The following TTC28 variants were observed in gnomAD, a reference collection of about 807,000 sequenced individuals.
TTC28 encodes the protein tetratricopeptide repeat protein 28.
TTC28 carries 61 observed loss-of-function variants against 198.0 expected under a neutral mutation model. The ratio of observed to expected loss-of-function variants is 0.31; its 90% confidence interval spans 0.25 to 0.38. TTC28 has a LOEUF of 0.38. TTC28 is among the 10% of genes least tolerant of loss of function. The pLI, the probability that TTC28 is intolerant of heterozygous loss-of-function variation, is 1.00. For synonymous variants in TTC28, 1,171 were observed against 1,297.8 expected (o/e 0.90, Z 2.10); for missense variants, 2,678 against 3,164.0 (o/e 0.85, Z 3.69).
chr22:28,258,561 A>G (rs1931111948), intron 5 of TTC28, among the ~76,000 whole-genome samples: 1 of 152,174 alleles, frequency 6.6e-6, no homozygotes, highest in Admixed American at 6.6e-5. Flanking sequence ...TAAGAAAGAC[A>G]TATGAATGTC....
intron 2 of TTC28, among the ~76,000 whole-genome samples, chr22:28,527,714 C>A: frequency 6.6e-6 from 1 of 152,198 alleles, no homozygotes; most frequent in East Asian, 1.9e-4. Flanking sequence ...CAGCTCACTG[C>A]AGCCTTGACC....
intron 6 of TTC28, among the ~76,000 whole-genome samples, chr22:28,115,351 C>A (rs550984347): frequency 1.2e-4 from 18 of 152,308 alleles, no homozygotes; most frequent in African/African-American, 4.3e-4. Flanking sequence ...TACCTTCTCC[C>A]TTCATCTGGA....
rs189055062 is a variant in TTC28, at chr22:28,080,044, T to A, written c.3932+14036A>T. 9.5e-3 allele frequency among the ~76,000 whole-genome samples: 1,449 copies of A among 152,312 alleles called. 26 individuals carry two copies. Among genetic ancestry groups the A allele is most frequent in the African/African-American group, 0.032 (1,349 of 41,566 alleles). On this transcript the variant is annotated intron_variant, in intron 12 of 22. Coordinates refer to ENST00000397906, the MANE Select transcript of TTC28 (RefSeq NM_001145418.2). ...ATGCCCAGCTGATTTTCTTCTTTTTTAAGGCTGAGTAATATTCCATTGTAT... is the reference window on the plus strand; with the variant it reads ...ATGCCCAGCTGATTTTCTTCTTTTTAAAGGCTGAGTAATATTCCATTGTAT...
chr22:28,234,532 C>A (rs1001515726), intron 5 of TTC28, among the ~76,000 whole-genome samples: 1 of 150,884 alleles, frequency 6.6e-6, no homozygotes, highest in Non-Finnish European at 1.5e-5. Flanking sequence ...ACCACCACAC[C>A]CAGCTAATTT....
intron 16 of TTC28, chr22:27,998,310 A>T: frequency 1.4e-6 from 1 of 690,672 alleles, no homozygotes; most frequent in South Asian, 2.0e-5. Context: ...TCACATTCAT[A>T]CACTCATGGC....
intron 5 of TTC28, among the ~76,000 whole-genome samples, chr22:28,262,957 G>A (rs891130503): frequency 6.6e-6 from 1 of 152,122 alleles, no homozygotes; most frequent in African/African-American, 2.4e-5. Context: ...AAACGGGTGA[G>A]AGGCATGGGT....
rs567287694 is a variant in TTC28 at position 28,540,091 on chromosome 22, C to A, written c.381+89461G>T. ...TCCGAGTAGCTGGGACTAAAGGCAC[C>A]CGCCACCACGCCCAGCTAATTTTTT... On this transcript the variant is annotated intron_variant, in intron 2 of 22. Transcript: ENST00000397906. Among the ~76,000 whole-genome samples the A allele has an allele frequency of 2.0e-5, 3 of 151,898 alleles. No individual in the cohort carries two copies. In the East Asian group the frequency reaches 5.8e-4, roughly 29 times the overall value.
chr22:28,581,683 A>G (rs1199487522), intron 2 of TTC28, among the ~76,000 whole-genome samples: 3 of 152,210 alleles, frequency 2.0e-5, no homozygotes, highest in African/African-American at 7.2e-5. Flanking sequence ...TGGGAGGCCA[A>G]GATGGGAAGA....
intron 7 of TTC28, 44 bp from the exon 8 acceptor site, chr22:28,105,846 G>C: frequency 6.7e-7 from 1 of 1,498,728 alleles, no homozygotes; most frequent in Non-Finnish European, 8.9e-7. Context: ...ATTTCATGCA[G>C]GTGCAGACAT....
At chr22:28,168,592 A>T (rs1194762714) in intron 5 of TTC28, among the ~76,000 whole-genome samples, 1 of 152,146 alleles carries the variant, frequency 6.6e-6, no homozygotes, top group Non-Finnish European at 1.5e-5. Flanking sequence ...TATTTAATAA[A>T]TGGTGCTGGG....
At chr22:28,018,499 G>A (rs536329849) in intron 13 of TTC28, among the ~76,000 whole-genome samples, 81 of 152,282 alleles carry the variant, frequency 5.3e-4, no homozygotes, top group Non-Finnish European at 6.3e-4. Flanking sequence ...GCCCAGCCCC[G>A]CAGCAGCAGC....
At chr22:28,669,775 C>T (rs2051849186) in intron 1 of TTC28, among the ~76,000 whole-genome samples, 1 of 152,062 alleles carries the variant, frequency 6.6e-6, no homozygotes, top group South Asian at 2.1e-4. Context: ...AAGATGTTTT[C>T]CACATACATG....
At chr22:28,605,206 G>T (rs1010529441) in intron 2 of TTC28, among the ~76,000 whole-genome samples, 1 of 152,156 alleles carries the variant, frequency 6.6e-6, no homozygotes, top group African/African-American at 2.4e-5. Flanking sequence ...TGGTTTCCAA[G>T]GAGATGCTAT....
rs746954211 is a variant in TTC28 at position 28,384,094 on chromosome 22, C to T, written c.382-77451G>A. The stretch of plus-strand genomic sequence containing the variant: ...CAATGGTCCCTCTGCCTAGATTACT[C>T]TTTCCCCAGAAGCCACATGGCTTTT... On this transcript the variant is annotated intron_variant, in intron 2 of 22. Transcript: ENST00000397906. 5.9e-5 allele frequency among the ~76,000 whole-genome samples: 9 copies of T among 152,192 alleles called. 1 individual carries two copies. The highest frequency in any genetic ancestry group is 1.3e-4 in the Non-Finnish European group (9 of 68,026).
chr22:28,289,410 T>C lies in TTC28; in HGVS notation c.933+6788A>G, dbSNP rs367778364. ...TCTTCTGACAATTCATATTAACTCA[T>C]AGGAAGGCCTCTGTGGGCAATTAAA... is the stretch of plus-strand genomic sequence containing the variant. On this transcript the variant is annotated intron_variant, in intron 5 of 22. Coordinates refer to ENST00000397906, the MANE Select transcript of TTC28 (RefSeq NM_001145418.2). 7.9e-5 allele frequency among the ~76,000 whole-genome samples: 12 copies of C among 152,294 alleles called. No homozygotes were observed. In the East Asian group the frequency reaches 1.5e-3, roughly 20 times the overall value.
chr22:28,047,716 G>T (rs751395252), intron 12 of TTC28, among the ~76,000 whole-genome samples: 39 of 152,162 alleles, frequency 2.6e-4, no homozygotes, highest in Non-Finnish European at 5.0e-4. Flanking sequence ...CCCAAAGCAG[G>T]CCCAGGTGAG....
At chr22:28,627,403 C>T (rs762216761) in intron 2 of TTC28, among the ~76,000 whole-genome samples, 76 of 151,218 alleles carry the variant, frequency 5.0e-4, no homozygotes, top group Non-Finnish European at 9.0e-4. Context: ...CACTCTAGTT[C>T]GCAAATGGTA....
intron 14 of TTC28, among the ~76,000 whole-genome samples, chr22:28,012,867 T>C (rs1938215522): frequency 6.6e-6 from 1 of 152,126 alleles, no homozygotes; most frequent in Non-Finnish European, 1.5e-5. Flanking sequence ...GGTGTTATCA[T>C]CCTCATTTTC....
At chr22:28,341,569 A>G (rs898995861) in intron 2 of TTC28, among the ~76,000 whole-genome samples, 2 of 152,154 alleles carry the variant, frequency 1.3e-5, no homozygotes, top group African/African-American at 4.8e-5. Context: ...AGGCAGGTGG[A>G]TCACTTGAGG....
Sources: gnomAD v4.1 joint callset for allele counts (sites outside exome capture counted in the v4.1 genomes callset) on GRCh38, gnomAD v4.1.1 for gene constraint, MANE v1.5 for transcripts, NCBI Gene and HGNC (gene_info 2026-07-23, HGNC 2026-07-21) for gene names.